Variants in EPS8 observed in about 807,000 individuals in gnomAD.
EPS8 encodes EGFR pathway substrate 8, signaling adaptor, also known as epidermal growth factor receptor kinase substrate 8.
Under a neutral mutation model 103.8 loss-of-function variants are expected in EPS8, and 42 were observed. That is an observed-to-expected ratio of 0.40 (90% CI 0.32 to 0.52). The LOEUF is 0.52. Among genes scored for constraint, EPS8 ranks in the 20% least tolerant of loss-of-function variants. The pLI, the probability that EPS8 is intolerant of heterozygous loss-of-function variation, is 0.40. For synonymous variants in EPS8, 344 were observed against 344.6 expected, an observed-to-expected ratio of 1.00 and a Z score of 0.02; for missense variants, 969 against 1,005.1, an observed-to-expected ratio of 0.96 and a Z score of 0.49.
intron 13 of EPS8, 21 bp from the exon 14 acceptor site, chr12:15,651,027 A>T (rs1945405570): frequency 6.3e-7 from 1 of 1,595,176 alleles, no homozygotes; most frequent in Non-Finnish European, 8.6e-7. Context: ...GAATGAAGGC[A>T]TATAAACAAT....
At position 15,623,297 on chromosome 12, in the gene EPS8, A is replaced by AG; in HGVS notation, c.2226-11_2226-10insC. On this transcript the variant is annotated splice_polypyrimidine_tract_variant and intron_variant, in intron 19 of 20. Coordinates refer to ENST00000281172, the MANE Select transcript of EPS8 (RefSeq NM_004447.6). ...AAGACTATTGACAGTCCTAAAAAAA[A>AG]AAAAAGGAAAAAGAAACTGAGCATT... The AG allele has an allele frequency of 6.3e-7, 1 of 1,578,522 alleles. No individual in the cohort carries two copies.
rs1947306043 is a variant in EPS8 at position 15,785,880 on chromosome 12, A to G, written c.-22+3281T>C. ...TGTAACAAAGTAGCATTGTATTATA[A>G]CCCAAAATATTTAGATAGATAGATA... On this transcript the variant is annotated intron_variant, in intron 1 of 20. Transcript: ENST00000281172. The surrounding 1 kb of genome is among the most constrained non-coding windows in gnomAD (Gnocchi z 4.9). Among the ~76,000 whole-genome samples the G allele has an allele frequency of 6.6e-6, 1 of 151,976 alleles. No homozygotes were observed. The highest frequency in any genetic ancestry group is 2.1e-4 in the South Asian group (1 of 4,834).
chr12:15,668,572 T>C (rs994821938), intron 6 of EPS8, among the ~76,000 whole-genome samples: 9 of 152,228 alleles, frequency 5.9e-5, no homozygotes, highest in African/African-American at 2.2e-4. Context: ...GAAATTACAC[T>C]GTACTTTGAA....
At chr12:15,651,939 T>G (rs1039718093) in intron 13 of EPS8, among the ~76,000 whole-genome samples, 1 of 152,182 alleles carries the variant, frequency 6.6e-6, no homozygotes, top group Non-Finnish European at 1.5e-5. Context: ...GTTTTTTGAA[T>G]GTTAATTAAT....
chr12:15,678,951 TC>T (rs1419702548), intron 3 of EPS8, among the ~76,000 whole-genome samples: 1 of 151,694 alleles, frequency 6.6e-6, no homozygotes, highest in Non-Finnish European at 1.5e-5. Flanking sequence ...GATTTTTCAT[TC>T]CTTGGATCTA....
chr12:15,710,634 A>G (rs1184636721), intron 1 of EPS8, among the ~76,000 whole-genome samples: 1 of 152,210 alleles, frequency 6.6e-6, no homozygotes, highest in East Asian at 1.9e-4. Flanking sequence ...CACAAATTTA[A>G]CCGACGTATA....
rs1946297466 is a variant in EPS8, at chr12:15,700,424, G to C, written c.-21-17452C>G. On this transcript the variant is annotated intron_variant, in intron 1 of 20. Transcript: ENST00000281172. This position sits in a 1 kb window ranked among gnomAD's most constrained non-coding sequence, Gnocchi z 5.1. ...GTCATAGAATTCTAATGATTAAAGT[G>C]TATATTATCACCAATATAAATTCCT... is the stretch of plus-strand genomic sequence containing the variant. Among the ~76,000 whole-genome samples the C allele has an allele frequency of 1.3e-5, 2 of 152,132 alleles. No individual in the cohort carries two copies. Among genetic ancestry groups the C allele is most frequent in the Admixed American group, 1.3e-4 (2 of 15,262 alleles).
At chr12:15,621,466 A>C in intron 20 of EPS8, 36 bp from the exon 21 acceptor site, 1 of 1,201,462 alleles carries the variant, frequency 8.3e-7, no homozygotes, top group South Asian at 1.3e-5. Flanking sequence ...ATAGTTACTG[A>C]CTTGTGCAGG....
At position 15,670,921 on chromosome 12, in the gene EPS8, G is replaced by C; in HGVS notation, c.139C>G (p.Gln47Glu). 6.2e-7 allele frequency: 1 copy of C among 1,610,548 alleles called. No homozygotes were observed. Among genetic ancestry groups the C allele is most frequent in the East Asian group, 2.2e-5 (1 of 44,750 alleles). Reference protein sequence around the residue: ...SKTSAKALYEQRKNYARDSVS... With the variant: ...SKTSAKALYEERKNYARDSVS... The stretch of plus-strand genomic sequence containing the variant: ...CTGTCCCGTGCATAATTCTTCCTTT[G>C]TTCTGAAAGAGAAATTGAAAAAGCC... The change falls in exon 4 of 21, where the codon CAA becomes GAA. Residue 47 changes from glutamine to glutamate, a missense_variant and splice_region_variant. By Grantham distance (29) the Gln-to-Glu change is conservative. Coordinates refer to ENST00000281172, the MANE Select transcript of EPS8 (RefSeq NM_004447.6).
At chr12:15,682,120 C>A (rs1946018920) in intron 2 of EPS8, among the ~76,000 whole-genome samples, 1 of 152,034 alleles carries the variant, frequency 6.6e-6, no homozygotes, top group African/African-American at 2.4e-5. Flanking sequence ...TATAAACAGG[C>A]AGAGAATCAA....
rs1431076422 is a variant in EPS8, at chr12:15,702,917, G to A, written c.-21-19945C>T. On this transcript the variant is annotated intron_variant, in intron 1 of 20. Transcript: ENST00000281172. The surrounding 1 kb of genome is among the most constrained non-coding windows in gnomAD (Gnocchi z 5.1). ...TTTAATCCCAGCACTTTGGGAGGCCGAGGTGGGTGGATCACAAGGTCAGGA... is the reference window on the plus strand; with the variant it reads ...TTTAATCCCAGCACTTTGGGAGGCCAAGGTGGGTGGATCACAAGGTCAGGA... Among the ~76,000 whole-genome samples, 1 of 152,194 alleles carries A rather than the reference G, an allele frequency of 6.6e-6. No individual in the cohort carries two copies. The highest frequency in any genetic ancestry group is 1.5e-5 in the Non-Finnish European group (1 of 68,022).
At chr12:15,744,743 A>T (rs1047372359) in intron 1 of EPS8, among the ~76,000 whole-genome samples, 5 of 152,272 alleles carry the variant, frequency 3.3e-5, no homozygotes, top group Non-Finnish European at 7.3e-5. Flanking sequence ...AAATGCTGAA[A>T]CAAAGGTTAT....
chr12:15,758,249 T>C (rs1947007740), intron 1 of EPS8, among the ~76,000 whole-genome samples: 1 of 152,232 alleles, frequency 6.6e-6, no homozygotes, highest in Admixed American at 6.5e-5. Context: ...GGATGTGAGA[T>C]AGGCCAAGTA....
chr12:15,621,374 G>C lies in EPS8; in HGVS notation c.2412C>G (p.Ile804Met). Residue 804 changes from isoleucine (I) to methionine (M), a missense_variant, in exon 21 of 21, where the codon ATC (isoleucine) becomes ATG (methionine). By Grantham distance (10) the Ile-to-Met change is conservative (BLOSUM62 1). Transcript: ENST00000281172. The stretch of plus-strand genomic sequence containing the variant: ...CTCCTGAATCACTAGCGGCAGCACT[G>C]ATTTTTTCCTGTCGTCTTCTCATAA... ...QEIMRRRQEK[I>M]SAAASDSGVE... The C allele has an allele frequency of 6.2e-7, 1 of 1,604,902 alleles. No individual in the cohort carries two copies. The highest frequency in any genetic ancestry group is 8.5e-7 in the Non-Finnish European group (1 of 1,176,622).
rs1946870561 is a variant in EPS8, at chr12:15,745,893, T to C, written c.-22+43268A>G. ...AACTAGTTAACATTATTAAACTGAA[T>C]TACTATCATGACAATAAATGCGATC... On this transcript the variant is annotated intron_variant, in intron 1 of 20. Coordinates refer to ENST00000281172, the MANE Select transcript of EPS8 (RefSeq NM_004447.6). The surrounding 1 kb of genome is among the most constrained non-coding windows in gnomAD (Gnocchi z 4.6). Among the ~76,000 whole-genome samples the C allele has an allele frequency of 6.6e-6, 1 of 152,214 alleles. No individual in the cohort carries two copies. The highest frequency in any genetic ancestry group is 1.5e-5 in the Non-Finnish European group (1 of 68,034).
Position 15,620,837 on chromosome 12 carries a change from A to G in EPS8, c.*480T>C, listed in dbSNP as rs1591793506. The G allele has an allele frequency of 6.6e-6, 1 of 152,444 alleles. No homozygotes were observed. Among genetic ancestry groups the G allele is most frequent in the East Asian group, 1.9e-4 (1 of 5,188 alleles). The allele number at this position is 152,444 out of a possible 1,614,324, so 9.4% of individuals were successfully genotyped here. On this transcript the variant is annotated 3_prime_UTR_variant, in exon 21 of 21. Transcript: ENST00000281172. ...GGCATTAAGAACTTTAAATAAATCT[A>G]AATATTCTTCCATTGAGTATGTCAG...
chr12:15,632,444 C>T (rs536312648), intron 17 of EPS8, among the ~76,000 whole-genome samples: 1 of 152,172 alleles, frequency 6.6e-6, no homozygotes, highest in African/African-American at 2.4e-5. Context: ...ATAGTTAACA[C>T]TTTAAATCTA....
At chr12:15,660,504 T>C (rs1945586887) in intron 10 of EPS8, 110 bp downstream of exon 10, 1 of 712,646 alleles carries the variant, frequency 1.4e-6, no homozygotes, top group South Asian at 1.5e-5. Context: ...CCTTAGATGA[T>C]ACACCCGCCT....
In EPS8 at chr12:15,688,717, C is replaced by T. The variant is rs1310496447; in HGVS notation, c.-21-5745G>A. On this transcript the variant is annotated intron_variant, in intron 1 of 20. Coordinates refer to ENST00000281172, the MANE Select transcript of EPS8 (RefSeq NM_004447.6). This position sits in a 1 kb window ranked among gnomAD's most constrained non-coding sequence, Gnocchi z 5.1. ...CCATCTGCTGAGAGCTACCTCCACTCAATAAAACCCTGCACTCATTCTCTA... is the reference window on the plus strand; with the variant it reads ...CCATCTGCTGAGAGCTACCTCCACTTAATAAAACCCTGCACTCATTCTCTA... 6.6e-6 allele frequency among the ~76,000 whole-genome samples: 1 copy of T among 152,112 alleles called. No individual in the cohort carries two copies. The highest frequency in any genetic ancestry group is 1.5e-5 in the Non-Finnish European group (1 of 68,028).
Sources: gnomAD v4.1 joint callset for allele counts (sites outside exome capture counted in the v4.1 genomes callset) on GRCh38, gnomAD v4.1.1 for gene constraint, Gnocchi (gnomAD v3.1) non-coding constraint, MANE v1.5 for transcripts, NCBI Gene and HGNC (gene_info 2026-07-23, HGNC 2026-07-21) for gene names.